NCKAP5: variants seen among roughly 807,000 people sequenced by gnomAD.
The protein encoded by NCKAP5 is NCK associated protein 5.
NCKAP5 carries 92 observed loss-of-function variants against 167.0 expected under a neutral mutation model. The ratio of observed to expected loss-of-function variants is 0.55; its 90% CI spans 0.47 to 0.66. The LOEUF (loss-of-function observed/expected upper bound fraction) is 0.66, where lower values mean the gene tolerates loss of function less well. NCKAP5 is among the 30% of genes least tolerant of loss of function. NCKAP5 has a pLI of 0.00. For missense variants in NCKAP5, 2,378 were observed against 2,315.0 expected (o/e 1.03, Z -0.56); for synonymous variants, 891 against 877.4 (o/e 1.02, Z -0.27).
chr2:133,062,054 AG>A (rs1336894148), intron 6 of NCKAP5, among the ~76,000 whole-genome samples: 1 of 152,220 alleles, frequency 6.6e-6, no homozygotes, highest in Non-Finnish European at 1.5e-5. Flanking sequence ...TCTGATGATG[AG>A]TACTAAAGAT....
the NCKAP5 span, among the ~76,000 whole-genome samples, chr2:133,578,656 A>G: frequency 3.3e-5 from 5 of 152,234 alleles, no homozygotes; most frequent in Middle Eastern, 0.01. Context: ...ACCCCAATGC[A>G]CGTCTCCTAT....
chr2:133,590,213 G>A, the NCKAP5 span, among the ~76,000 whole-genome samples: 12 of 152,194 alleles, frequency 7.9e-5, no homozygotes, highest in South Asian at 4.1e-4. Flanking sequence ...AGTGGTGGCC[G>A]GGCGCGGTGG....
chr2:133,244,521 G>T (rs1467240239), intron 4 of NCKAP5, among the ~76,000 whole-genome samples: 1 of 151,926 alleles, frequency 6.6e-6, no homozygotes, highest in African/African-American at 2.4e-5. Flanking sequence ...AATTCTAAAG[G>T]ACAACAGAAT....
chr2:133,663,026 G>A, the NCKAP5 span, among the ~76,000 whole-genome samples: 15 of 152,134 alleles, frequency 9.9e-5, no homozygotes, highest in Non-Finnish European at 2.1e-4. Flanking sequence ...CAGCACTTTG[G>A]GAGGCCGAGG....
chr2:133,471,217 AC>A (rs1167699450), intron 3 of NCKAP5, among the ~76,000 whole-genome samples: 1 of 152,038 alleles, frequency 6.6e-6, no homozygotes, highest in African/African-American at 2.4e-5. Context: ...TTGGGTGCAC[AC>A]CCCTCTTTTG....
chr2:133,446,144 C>T (rs867556397), intron 3 of NCKAP5, among the ~76,000 whole-genome samples: 3 of 151,946 alleles, frequency 2.0e-5, no homozygotes, highest in Non-Finnish European at 2.9e-5. Context: ...AATATAGCAA[C>T]CATAGGAAAG....
intron 8 of NCKAP5, 69 bp downstream of exon 8, chr2:132,963,651 C>A (rs2076581966): frequency 2.0e-6 from 3 of 1,486,608 alleles, no homozygotes; most frequent in Admixed American, 1.8e-5. Context: ...CACTCAAAAC[C>A]AGTGCCAATA....
chr2:133,336,076 T>A (rs1683190126), intron 3 of NCKAP5, among the ~76,000 whole-genome samples: 1 of 152,074 alleles, frequency 6.6e-6, no homozygotes, highest in African/African-American at 2.4e-5. Context: ...GGGCCTTCAA[T>A]CAGGACAGAG....
At chr2:133,386,564 C>G (rs919059234) in intron 3 of NCKAP5, among the ~76,000 whole-genome samples, 2 of 152,164 alleles carry the variant, frequency 1.3e-5, no homozygotes, top group African/African-American at 4.8e-5. Context: ...TCTGTTAGGT[C>G]TGCTTGGTGC....
chr2:132,871,387 G>T (rs1260708335), intron 9 of NCKAP5, among the ~76,000 whole-genome samples: 1 of 152,184 alleles, frequency 6.6e-6, no homozygotes, highest in East Asian at 1.9e-4. Context: ...AGGTACCAAA[G>T]TTAATTCATG....
intron 8 of NCKAP5, among the ~76,000 whole-genome samples, chr2:132,963,505 G>T (rs1413738774): frequency 6.6e-6 from 1 of 152,096 alleles, no homozygotes; most frequent in Non-Finnish European, 1.5e-5. Context: ...ATCAATTACT[G>T]CCCTATGTAC....
chr2:133,542,888 ACTTT>A (rs1312377053), intron 2 of NCKAP5, among the ~76,000 whole-genome samples: 2 of 152,172 alleles, frequency 1.3e-5, no homozygotes, highest in African/African-American at 4.8e-5. Flanking sequence ...TCTGGTCTCT[ACTTT>A]TCTTATTTAT....
intron 8 of NCKAP5, among the ~76,000 whole-genome samples, chr2:132,938,703 C>T (rs1697040550): frequency 6.6e-6 from 1 of 152,074 alleles, no homozygotes; most frequent in African/African-American, 2.4e-5. Context: ...AATAGTAATA[C>T]TTTAAGACAG....
chr2:132,887,565 G>C (rs1253535372), intron 8 of NCKAP5, among the ~76,000 whole-genome samples: 1 of 152,114 alleles, frequency 6.6e-6, no homozygotes, highest in Non-Finnish European at 1.5e-5. Context: ...ACCATCTCAA[G>C]AGTCGGGCTC....
At position 133,499,538 on chromosome 2, in the gene NCKAP5, G is replaced by A. The variant is rs1053490743; in HGVS notation, c.69+17920C>T. On this transcript the variant is annotated intron_variant, in intron 3 of 19. Transcript: ENST00000409261. ...AATGCTGAAGAAAAGTGACATAAAA[G>A]TCTAAGTGTTCTTTTTTGTTTTTTG... Among the ~76,000 whole-genome samples the A allele has an allele frequency of 5.7e-5, 7 of 123,780 alleles. No individual in the cohort carries two copies. The Admixed American group carries it at 6.0e-4, about 11-fold the overall frequency. The allele number at this position is 123,780 out of a possible 152,430, so 81.2% of individuals were successfully genotyped here. A position where few individuals can be genotyped will look rare whatever the true frequency, so the allele number is the denominator to read the frequency against.
chr2:133,315,481 A>G (rs1681537937), intron 3 of NCKAP5, among the ~76,000 whole-genome samples: 1 of 152,144 alleles, frequency 6.6e-6, no homozygotes, highest in Non-Finnish European at 1.5e-5. Context: ...TTACATATGA[A>G]AGAGTAGATG....
intron 6 of NCKAP5, among the ~76,000 whole-genome samples, chr2:133,096,790 C>T (rs1254402089): frequency 5.3e-5 from 8 of 152,028 alleles, no homozygotes; most frequent in East Asian, 1.9e-4. Context: ...AGGTACTAGT[C>T]GCTAATGAAT....
intron 8 of NCKAP5, among the ~76,000 whole-genome samples, chr2:132,906,556 T>C (rs1694024710): frequency 1.3e-5 from 2 of 152,126 alleles, no homozygotes. Context: ...AATGAGGTCT[T>C]CTGGGGAGAT....
the NCKAP5 span, among the ~76,000 whole-genome samples, chr2:133,612,332 A>G: frequency 6.6e-6 from 1 of 152,352 alleles, no homozygotes; most frequent in African/African-American, 2.4e-5. Context: ...CAATTGATTT[A>G]TTCCCAAAGA....
Sources: allele counts gnomAD v4.1 joint callset (sites outside exome capture counted in the v4.1 genomes callset), GRCh38; gene constraint gnomAD v4.1.1; transcripts MANE v1.5; gene names NCBI Gene and HGNC (gene_info 2026-07-23, HGNC 2026-07-21).